Variants in TAFA1 observed in about 807,000 individuals in gnomAD.
TAFA1 encodes the protein chemokine-like protein TAFA-1.
A neutral mutation model predicts 18.5 loss-of-function variants in TAFA1; 4 were observed. The observed-to-expected ratio is 0.22, with a 90% confidence interval of 0.11 to 0.49. The LOEUF (loss-of-function observed/expected upper bound fraction) is 0.49, where lower values mean the gene tolerates loss of function less well. TAFA1 is among the 20% of genes least tolerant of loss of function. TAFA1 has a pLI of 0.98. For missense variants in TAFA1, 147 were observed against 169.0 expected (o/e 0.87, Z 0.72); for synonymous variants, 56 against 55.2 (o/e 1.01, Z -0.06).
chr3:68,413,410 A>G (rs975870578), intron 2 of TAFA1, among the ~76,000 whole-genome samples: 1 of 152,104 alleles, frequency 6.6e-6, no homozygotes, highest in Non-Finnish European at 1.5e-5. Flanking sequence ...TTATTATGGT[A>G]TTGGGCACAT....
In TAFA1 at chr3:68,527,381, C is replaced by G. The variant is rs577093514; in HGVS notation, c.260-11375C>G. On this transcript the variant is annotated intron_variant, in intron 3 of 4. Coordinates refer to ENST00000478136, the MANE Select transcript of TAFA1 (RefSeq NM_213609.4). The stretch of plus-strand genomic sequence containing the variant: ...AAAATAGGACATGTACCCCTGTGTT[C>G]CAATAAGACAGCTTAGAGTAGCCCA... Among the ~76,000 whole-genome samples, 9 of 152,206 alleles carry G rather than the reference C, an allele frequency of 5.9e-5. 1 individual carries two copies. In the South Asian group the frequency reaches 1.9e-3, roughly 32 times the overall value.
At chr3:68,186,196 C>CA (rs2066268150) in intron 2 of TAFA1, among the ~76,000 whole-genome samples, 1 of 152,066 alleles carries the variant, frequency 6.6e-6, no homozygotes, top group Non-Finnish European at 1.5e-5. Context: ...TTTTATAATA[C>CA]ATTTCTACTC....
intron 3 of TAFA1, among the ~76,000 whole-genome samples, chr3:68,422,730 T>G (rs2070978812): frequency 6.6e-6 from 1 of 152,096 alleles, no homozygotes; most frequent in African/African-American, 2.4e-5. Context: ...ATTACACACT[T>G]GCCAAATTAA....
chr3:68,032,165 A>G (rs971719058), intron 2 of TAFA1, among the ~76,000 whole-genome samples: 2 of 152,162 alleles, frequency 1.3e-5, no homozygotes, highest in African/African-American at 4.8e-5. Context: ...TATCTGGTCT[A>G]TATGAGATTC....
intron 2 of TAFA1, among the ~76,000 whole-genome samples, chr3:68,390,575 C>G (rs1482053847): frequency 6.6e-6 from 1 of 152,200 alleles, no homozygotes; most frequent in East Asian, 1.9e-4. Context: ...CACCTCCCAG[C>G]AGGGGTTGAC....
At chr3:68,450,778 C>T (rs2071556087) in intron 3 of TAFA1, among the ~76,000 whole-genome samples, 1 of 152,190 alleles carries the variant, frequency 6.6e-6, no homozygotes, top group South Asian at 2.1e-4. Context: ...ACATATAACA[C>T]TTACTACATG....
At chr3:68,303,409 G>A (rs1467918502) in intron 2 of TAFA1, among the ~76,000 whole-genome samples, 1 of 152,070 alleles carries the variant, frequency 6.6e-6, no homozygotes, top group East Asian at 1.9e-4. Context: ...ACAAAACAAT[G>A]ATTTTTGGCC....
At chr3:68,397,976 T>G (rs1218011713) in intron 2 of TAFA1, among the ~76,000 whole-genome samples, 2 of 152,226 alleles carry the variant, frequency 1.3e-5, no homozygotes, top group African/African-American at 4.8e-5. Context: ...ATCAATATCA[T>G]GAAAATGGCC....
At chr3:68,041,277 A>G (rs1363257477) in intron 2 of TAFA1, among the ~76,000 whole-genome samples, 1 of 152,224 alleles carries the variant, frequency 6.6e-6, no homozygotes, top group African/African-American at 2.4e-5. Flanking sequence ...ATGTAAAATG[A>G]CCTGATTAAA....
intron 2 of TAFA1, among the ~76,000 whole-genome samples, chr3:68,185,261 G>A (rs2066255485): frequency 6.6e-6 from 1 of 152,064 alleles, no homozygotes; most frequent in African/African-American, 2.4e-5. Context: ...GAAGGGAAAG[G>A]ACGTTTCCAA....
intron 2 of TAFA1, among the ~76,000 whole-genome samples, chr3:68,192,802 G>A (rs935546286): frequency 2.6e-5 from 4 of 151,734 alleles, no homozygotes; most frequent in Admixed American, 1.3e-4. Context: ...CTAGTCTAAG[G>A]AAGTAAAAGA....
At chr3:68,018,538 T>A (rs938606576) in intron 2 of TAFA1, among the ~76,000 whole-genome samples, 7 of 152,162 alleles carry the variant, frequency 4.6e-5, no homozygotes, top group Non-Finnish European at 1.0e-4. Context: ...TACCCAGTAG[T>A]AATAGAAATG....
chr3:68,082,438 C>G (rs2064917227), intron 2 of TAFA1, among the ~76,000 whole-genome samples: 1 of 152,168 alleles, frequency 6.6e-6, no homozygotes, highest in Admixed American at 6.5e-5. Context: ...GGTTATAAGT[C>G]TGAATTTTGC....
chr3:68,223,413 TTAAC>T (rs1474622406), intron 2 of TAFA1, among the ~76,000 whole-genome samples: 2 of 152,232 alleles, frequency 1.3e-5, no homozygotes, highest in African/African-American at 2.4e-5. Context: ...TTACAACAAG[TTAAC>T]TAAGTCATAG....
At chr3:68,214,181 C>G (rs1234352119) in intron 2 of TAFA1, among the ~76,000 whole-genome samples, 2 of 152,076 alleles carry the variant, frequency 1.3e-5, no homozygotes, top group Non-Finnish European at 2.9e-5. Context: ...ATCAACAACT[C>G]TTGACACTCA....
chr3:68,161,433 G>T (rs955718362), intron 2 of TAFA1, among the ~76,000 whole-genome samples: 1 of 152,140 alleles, frequency 6.6e-6, no homozygotes, highest in African/African-American at 2.4e-5. Flanking sequence ...TAGACCTTGG[G>T]CCCCACCTCG....
intron 2 of TAFA1, among the ~76,000 whole-genome samples, chr3:68,045,578 A>G (rs1005125695): frequency 6.6e-6 from 1 of 152,084 alleles, no homozygotes; most frequent in Non-Finnish European, 1.5e-5. Context: ...AGATTCTGCT[A>G]CTAGATATAT....
intron 2 of TAFA1, among the ~76,000 whole-genome samples, chr3:68,248,141 C>T (rs1463705140): frequency 2.0e-5 from 3 of 152,274 alleles, no homozygotes; most frequent in African/African-American, 7.2e-5. Flanking sequence ...ACATAACTGA[C>T]TTTCAATACA....
chr3:68,141,763 C>T (rs1048492853), intron 2 of TAFA1, among the ~76,000 whole-genome samples: 1 of 152,168 alleles, frequency 6.6e-6, no homozygotes, highest in Non-Finnish European at 1.5e-5. Context: ...GAGATAGAGT[C>T]CTGATTCTTC....
Sources: gnomAD v4.1 joint callset for allele counts (sites outside exome capture counted in the v4.1 genomes callset) on GRCh38, gnomAD v4.1.1 for gene constraint, MANE v1.5 for transcripts, NCBI Gene and HGNC (gene_info 2026-07-23, HGNC 2026-07-21) for gene names.